Variants in SEM1 observed in about 807,000 individuals in gnomAD.
The protein encoded by SEM1 is SEM1 26S proteasome subunit.
SEM1 carries 3 observed loss-of-function variants against 12.7 expected under a neutral mutation model. That is an observed-to-expected ratio of 0.24 (90% CI 0.11 to 0.61). SEM1 has a LOEUF of 0.61. SEM1 is among the 20% of genes least tolerant of loss of function. SEM1 has a pLI of 0.88. For synonymous variants in SEM1, 30 were observed against 27.8 expected (o/e 1.08, Z -0.25); for missense variants, 59 against 81.3 (o/e 0.73, Z 1.06).
chr7:96,584,885 G>A (rs1258409006), intron 2 of SEM1, among the ~76,000 whole-genome samples: 6 of 151,236 alleles, frequency 4.0e-5, no homozygotes, highest in African/African-American at 7.3e-5. Flanking sequence ...TTTTTTCAAA[G>A]TTTTCAACTT....
At chr7:96,622,534 G>A, downstream of SEM1, 1 of 736,946 alleles carries the variant, frequency 1.4e-6, no homozygotes, top group Admixed American at 1.8e-5. Flanking sequence ...ATATGGCAAG[G>A]GGCTTGGTAC....
chr7:96,691,463 A>G (rs1789931509), intron 2 of SEM1, among the ~76,000 whole-genome samples: 1 of 152,248 alleles, frequency 6.6e-6, no homozygotes. Flanking sequence ...CAAGGTTCAT[A>G]TGGCTAAATA....
In SEM1 at chr7:96,673,838, TATC is replaced by T. The variant is rs1458102200; in HGVS notation, c.189_191del (p.Met63del). 4 of 765,156 alleles carry T rather than the reference TATC, an allele frequency of 5.2e-6. No homozygotes were observed. The African/African-American group carries it at 6.8e-5, about 13-fold the overall frequency. The allele number at this position is 765,156 out of a possible 1,614,324, so 47.4% of individuals were successfully genotyped here. A position where few individuals can be genotyped will look rare whatever the true frequency, so the allele number is the denominator to read the frequency against. On this transcript the variant is annotated inframe_deletion, in exon 3 of 3. Coordinates refer to the SEM1 transcript ENST00000413065. Reference sequence around the variant, plus strand: ...AGCCATACGGGGTTTCACAGACCAATATCATCAGGAGTACAGTTGCCCTGGAAA... The same window carrying T: ...AGCCATACGGGGTTTCACAGACCAATATCAGGAGTACAGTTGCCCTGGAAA...
chr7:96,666,853 T>G (rs1789185348), intron 2 of SEM1, among the ~76,000 whole-genome samples: 1 of 152,074 alleles, frequency 6.6e-6, no homozygotes, highest in African/African-American at 2.4e-5. Context: ...AGCACCCACC[T>G]CAGGGCTGTT....
intron 2 of SEM1, among the ~76,000 whole-genome samples, chr7:96,603,650 C>G (rs1807257626): frequency 6.6e-6 from 1 of 152,138 alleles, no homozygotes; most frequent in African/African-American, 2.4e-5. Flanking sequence ...CTATTCCCGT[C>G]TTTCTTGGGA....
intron 2 of SEM1, among the ~76,000 whole-genome samples, chr7:96,569,577 G>T (rs1365072357): frequency 6.6e-6 from 1 of 151,776 alleles, no homozygotes; most frequent in East Asian, 1.9e-4. Flanking sequence ...AGATACAGGG[G>T]GTACAAGTGC....
At chr7:96,522,206 A>T (rs952557428) in intron 2 of SEM1, among the ~76,000 whole-genome samples, 8 of 152,242 alleles carry the variant, frequency 5.3e-5, no homozygotes, top group South Asian at 2.1e-4. Flanking sequence ...ACAGACTGAC[A>T]TGTTGCTTCA....
chr7:96,532,140 C>T (rs1804661087), intron 2 of SEM1, among the ~76,000 whole-genome samples: 1 of 151,992 alleles, frequency 6.6e-6, no homozygotes. Flanking sequence ...CAGTATGTGG[C>T]AGAATACAGG....
At chr7:96,654,824 A>C (rs546152445) in intron 2 of SEM1, among the ~76,000 whole-genome samples, 1 of 152,310 alleles carries the variant, frequency 6.6e-6, no homozygotes, top group African/African-American at 2.4e-5. Flanking sequence ...CTCAAGGCTC[A>C]TGACTGGGAG....
At chr7:96,610,442 A>G (rs566912404) in intron 2 of SEM1, among the ~76,000 whole-genome samples, 38 of 152,158 alleles carry the variant, frequency 2.5e-4, no homozygotes, top group African/African-American at 9.2e-4. Flanking sequence ...TGAGGGAGAG[A>G]ATTATCTGCT....
intron 2 of SEM1, among the ~76,000 whole-genome samples, chr7:96,589,698 T>C (rs1806767079): frequency 6.6e-6 from 1 of 152,254 alleles, no homozygotes; most frequent in African/African-American, 2.4e-5. Context: ...AATTATGATT[T>C]TGAAAAGAAA....
intron 2 of SEM1, among the ~76,000 whole-genome samples, chr7:96,617,548 G>T (rs1194977927): frequency 6.6e-6 from 1 of 152,070 alleles, no homozygotes; most frequent in Non-Finnish European, 1.5e-5. Flanking sequence ...TTGCCTGATT[G>T]CTCTGGTGAG....
At chr7:96,539,356 T>G (rs940417912) in intron 2 of SEM1, among the ~76,000 whole-genome samples, 3 of 151,820 alleles carry the variant, frequency 2.0e-5, no homozygotes, top group African/African-American at 7.2e-5. Context: ...ATTTGGTATG[T>G]AGCAATAGAT....
In SEM1 at chr7:96,615,239, A is replaced by ATTTTTTTTTT. The variant is rs1421596853; in HGVS notation, c.170+79558_170+79559insAAAAAAAAAA. Among the ~76,000 whole-genome samples, 258 of 98,118 alleles carry ATTTTTTTTTT rather than the reference A, an allele frequency of 2.6e-3. 43 individuals carry two copies. The highest frequency in any genetic ancestry group is 6.8e-3 in the Middle Eastern group (1 of 146). 64.4% of individuals were successfully genotyped at this position (98,118 alleles called of 152,430 possible). On this transcript the variant is annotated intron_variant and NMD_transcript_variant, in intron 2 of 3. Transcript: ENST00000466986. ...GGACTGTTGGGTTATTTTTTGAGTC[A>ATTTTTTTTTT]TCTTTTTTTTTTTTTTTTTTTTTTT...
chr7:96,513,216 T>C lies in SEM1; in HGVS notation c.171-6518A>G, dbSNP rs1473966728. 2.0e-5 allele frequency among the ~76,000 whole-genome samples: 3 copies of C among 152,052 alleles called. No individual in the cohort carries two copies. The East Asian group carries it at 5.8e-4, about 29-fold the overall frequency. ...ACAAGCAAAGGATCCCTAAGGCTGC[T>C]GGCAGTTAAGAGAGAGGCACGGAAT... On this transcript the variant is annotated intron_variant and NMD_transcript_variant, in intron 2 of 3. Coordinates refer to the SEM1 transcript ENST00000466986.
intron 3 of SEM1, among the ~76,000 whole-genome samples, chr7:96,506,363 G>A (rs1005173455): frequency 5.3e-5 from 8 of 152,086 alleles, no homozygotes; most frequent in African/African-American, 1.7e-4. Context: ...GTAAGAATAT[G>A]TTTGGAGTAC....
At chr7:96,626,844 A>C (rs1197859742) in intron 2 of SEM1, among the ~76,000 whole-genome samples, 1 of 152,152 alleles carries the variant, frequency 6.6e-6, no homozygotes, top group East Asian at 1.9e-4. Context: ...TTTTCATAAT[A>C]GTTTGAGTAG....
intron 2 of SEM1, among the ~76,000 whole-genome samples, chr7:96,585,742 T>C (rs938301500): frequency 1.0e-4 from 15 of 147,978 alleles, no homozygotes; most frequent in Non-Finnish European, 1.7e-4. Flanking sequence ...AGGTGCTGTC[T>C]GTCACCCCTT....
chr7:96,504,134 A>G (rs1179163566), intron 3 of SEM1, among the ~76,000 whole-genome samples: 4 of 152,184 alleles, frequency 2.6e-5, no homozygotes, highest in African/African-American at 9.6e-5. Flanking sequence ...GTACAACTTC[A>G]GGGAATTTGA....
Sources: gnomAD v4.1 joint callset for allele counts (sites outside exome capture counted in the v4.1 genomes callset) on GRCh38, gnomAD v4.1.1 for gene constraint, MANE v1.5 for transcripts, NCBI Gene and HGNC (gene_info 2026-07-23, HGNC 2026-07-21) for gene names.